Variants in SMPDL3A observed in about 807,000 individuals in gnomAD.
The protein encoded by SMPDL3A is sphingomyelin phosphodiesterase acid like 3A, also known as cyclic GMP-AMP phosphodiesterase SMPDL3A.
A neutral mutation model predicts 38.5 loss-of-function variants in SMPDL3A; 39 were observed. That is an observed-to-expected ratio of 1.01 (90% CI 0.78 to 1.32). SMPDL3A has a LOEUF of 1.32. Among genes scored for constraint, SMPDL3A ranks in the 40% most tolerant of loss-of-function variants. SMPDL3A has a pLI of 0.00. For synonymous variants in SMPDL3A, 180 were observed against 194.3 expected, an observed-to-expected ratio of 0.93 and a Z score of 0.61; for missense variants, 502 against 536.2, an observed-to-expected ratio of 0.94 and a Z score of 0.63.
intron 7 of SMPDL3A, 125 bp downstream of exon 7, chr6:122,806,482 CCTT>C (rs1352802120): frequency 1.5e-5 from 15 of 979,712 alleles, no homozygotes; most frequent in East Asian, 7.4e-5. Flanking sequence ...CTCCTGGCAT[CCTT>C]CTTCTTTTTT....
At chr6:122,792,962 A>G (rs917850406) in intron 1 of SMPDL3A, among the ~76,000 whole-genome samples, 5 of 152,330 alleles carry the variant, frequency 3.3e-5, no homozygotes, top group South Asian at 4.1e-4. Flanking sequence ...GATAAGGGCA[A>G]TGTGGACTCT....
rs183385142 is a variant in SMPDL3A, at chr6:122,804,859, T to C, written c.739-50T>C. 245 of 1,499,592 alleles carry C rather than the reference T, an allele frequency of 1.6e-4. No homozygotes were observed. The African/African-American group carries it at 2.9e-3, about 18-fold the overall frequency. The allele number at this position is 1,499,592 out of a possible 1,614,324, so 92.9% of individuals were successfully genotyped here. On this transcript the variant is annotated intron_variant, in intron 5 of 7. Coordinates refer to ENST00000368440, the MANE Select transcript of SMPDL3A (RefSeq NM_006714.5). The stretch of plus-strand genomic sequence containing the variant: ...GTATCCAAATGTCATTTAGTTATGA[T>C]GAATGTGCAGAAAGATTCTCATGAG...
At chr6:122,804,797 G>A (rs1781546717) in intron 5 of SMPDL3A, 112 bp from the exon 6 acceptor site, 1 of 835,800 alleles carries the variant, frequency 1.2e-6, no homozygotes, top group South Asian at 1.7e-5. Context: ...TGATATATTT[G>A]CTTTCTAAAT....
At chr6:122,808,008 G>A (rs1582561860) in intron 7 of SMPDL3A, among the ~76,000 whole-genome samples, 1 of 152,170 alleles carries the variant, frequency 6.6e-6, no homozygotes. Context: ...ATATTTACGT[G>A]TGTACATATG....
At position 122,808,650 on chromosome 6, in the gene SMPDL3A, CCTCCCCCCTCCCTCCCT is replaced by C. The variant is rs1248921854; in HGVS notation, c.1045-436_1045-420del. On this transcript the variant is annotated intron_variant, in intron 7 of 7. Coordinates refer to ENST00000368440, the MANE Select transcript of SMPDL3A (RefSeq NM_006714.5). ...TCCTTCCTTCCTTCCTTCCCCCCCT[CCTCCCCCCTCCCTCCCT>C]CTCCTTCTTTCTTATTTATTTATTG... is the stretch of plus-strand genomic sequence containing the variant. 7.2e-5 allele frequency among the ~76,000 whole-genome samples: 4 copies of C among 55,900 alleles called. No homozygotes were observed. In the East Asian group the frequency reaches 5.2e-3, roughly 73 times the overall value. The allele number at this position is 55,900 out of a possible 152,430, so 36.7% of individuals were successfully genotyped here. A position where few individuals can be genotyped will look rare whatever the true frequency, so the allele number is the denominator to read the frequency against.
Position 122,789,317 on chromosome 6 carries a change from C to G in SMPDL3A, c.-30C>G. 6.7e-7 allele frequency: 1 copy of G among 1,493,426 alleles called. No individual in the cohort carries two copies. The highest frequency in any genetic ancestry group is 9.0e-7 in the Non-Finnish European group (1 of 1,107,394). The allele number at this position is 1,493,426 out of a possible 1,614,324, so 92.5% of individuals were successfully genotyped here. On this transcript the variant is annotated 5_prime_UTR_variant, in exon 1 of 8. Transcript: ENST00000368440. ...GTCCGAGTGGAGCTGCGGGACAGCC[C>G]GAACCTCCAGGTCAGCCCCGCGGCC...
chr6:122,802,920 T>C (rs752736337), intron 4 of SMPDL3A, among the ~76,000 whole-genome samples: 3 of 152,058 alleles, frequency 2.0e-5, no homozygotes, highest in Non-Finnish European at 2.9e-5. Context: ...TTCTCAAAAA[T>C]AACTTCTGAC....
intron 2 of SMPDL3A, 24 bp downstream of exon 2, chr6:122,795,914 T>A (rs1781235142): frequency 1.3e-6 from 2 of 1,488,472 alleles, no homozygotes; most frequent in Non-Finnish European, 1.9e-6. Flanking sequence ...CAAGTACCAT[T>A]AATTACTCAA....
At position 122,796,982 on chromosome 6, in the gene SMPDL3A, A is replaced by G. The variant is rs1781270905; in HGVS notation, c.471+14A>G. The stretch of plus-strand genomic sequence containing the variant: ...TATTGGCCACAGGTAAATTTGATAG[A>G]CTTTCAGAAATGCTTAAAGAATTTT... On this transcript the variant is annotated intron_variant, in intron 3 of 7. Transcript: ENST00000368440. 1 of 1,605,726 alleles carries G rather than the reference A, an allele frequency of 6.2e-7. No individual in the cohort carries two copies. Among genetic ancestry groups the G allele is most frequent in the African/African-American group, 1.3e-5 (1 of 74,380 alleles).
At chr6:122,792,980 G>C (rs1248168386) in intron 1 of SMPDL3A, among the ~76,000 whole-genome samples, 1 of 152,220 alleles carries the variant, frequency 6.6e-6, no homozygotes, top group East Asian at 1.9e-4. Flanking sequence ...TCTGGAGTCA[G>C]ATTTCCTGAA....
rs143059971 is a variant in SMPDL3A, at chr6:122,801,445, T to A, written c.568+39T>A. On this transcript the variant is annotated intron_variant, in intron 4 of 7. Coordinates refer to ENST00000368440, the MANE Select transcript of SMPDL3A (RefSeq NM_006714.5). ...TTAGTTATTCCTATTTTGCCTCAAT[T>A]TTTATTCATGTTATTTAGACTTAAA... The A allele has an allele frequency of 8.7e-6, 12 of 1,379,876 alleles. No homozygotes were observed. The East Asian group carries it at 2.7e-4, about 31-fold the overall frequency. The allele number at this position is 1,379,876 out of a possible 1,614,324, so 85.5% of individuals were successfully genotyped here.
In SMPDL3A at chr6:122,803,808, A is replaced by T. The variant is rs1562353759; in HGVS notation, c.713A>T (p.Asn238Ile). Reference protein sequence around the residue: ...NQFEWLESTLNNSQQNKEKVY... With the variant: ...NQFEWLESTLINSQQNKEKVY... The stretch of plus-strand genomic sequence containing the variant: ...TTTGAATGGCTAGAAAGTACATTGA[A>T]CAACTCTCAGCAGAATAAGGAGAAG... Residue 238 changes from asparagine (N) to isoleucine (I), a missense_variant, in exon 5 of 8, where the codon AAC becomes ATC. Coordinates refer to ENST00000368440, the MANE Select transcript of SMPDL3A (RefSeq NM_006714.5). The T allele has an allele frequency of 6.2e-7, 1 of 1,614,034 alleles. No individual in the cohort carries two copies. The highest frequency in any genetic ancestry group is 1.7e-5 in the Admixed American group (1 of 60,014).
Position 122,809,145 on chromosome 6 carries a change from A to T in SMPDL3A, c.1099A>T (p.Ile367Phe). 1 of 1,614,222 alleles carries T rather than the reference A, an allele frequency of 6.2e-7. No individual in the cohort carries two copies. The highest frequency in any genetic ancestry group is 8.5e-7 in the Non-Finnish European group (1 of 1,180,028). ...AGAGGCGAATCTAAAGGGAGAGTCCATCTGGAAGCTGGAGTATATCCTGAC... is the reference window on the plus strand; with the variant it reads ...AGAGGCGAATCTAAAGGGAGAGTCCTTCTGGAAGCTGGAGTATATCCTGAC... ...LTEANLKGES[I>F]WKLEYILTQT... Residue 367 changes from isoleucine to phenylalanine, a missense_variant, in exon 8 of 8, where the codon ATC (isoleucine) becomes TTC (phenylalanine). By Grantham distance (21) the Ile-to-Phe change is conservative. Transcript: ENST00000368440.
chr6:122,797,293 C>A, intron 3 of SMPDL3A: 1 of 223,198 alleles, frequency 4.5e-6, no homozygotes. Context: ...ATTTGCATGT[C>A]CATGACAAGG....
Position 122,789,444 on chromosome 6 carries a change from C to A in SMPDL3A, c.98C>A (p.Pro33His). ...GTGGCGCCCGCAGGCGGCAGGAATC[C>A]TCCTCCGGCGATAGGTGAGTTGTCC... ...LPVAPAGGRN[P>H]PPAIGQFWHV... Residue 33 changes from proline to histidine, a missense_variant, in exon 1 of 8, where the codon CCT becomes CAT. Physicochemically the swap from Pro to His is moderately conservative, Grantham distance 77. Transcript: ENST00000368440. 6.5e-7 allele frequency: 1 copy of A among 1,549,224 alleles called. No individual in the cohort carries two copies. The highest frequency in any genetic ancestry group is 1.7e-4 in the Middle Eastern group (1 of 5,980).
At chr6:122,805,583 T>G (rs909089187) in intron 6 of SMPDL3A, among the ~76,000 whole-genome samples, 1 of 152,218 alleles carries the variant, frequency 6.6e-6, no homozygotes, top group African/African-American at 2.4e-5. Context: ...AAACCTCCTA[T>G]GTACTCAACA....
chr6:122,790,248 T>A (rs541001186), intron 1 of SMPDL3A, among the ~76,000 whole-genome samples: 1 of 152,274 alleles, frequency 6.6e-6, no homozygotes, highest in East Asian at 1.9e-4. Context: ...AACGCCGGCG[T>A]TGGGCTTCCA....
In SMPDL3A at chr6:122,800,759, T is replaced by C. The variant is rs1002056050; in HGVS notation, c.472-551T>C. On this transcript the variant is annotated intron_variant, in intron 3 of 7. Coordinates refer to ENST00000368440, the MANE Select transcript of SMPDL3A (RefSeq NM_006714.5). ...TTTTGTTTGTTTGTTTGTTTGTTTT[T>C]TTGTTTTTTGAGCCAGAGCCTCACT... Among the ~76,000 whole-genome samples, 5 of 152,328 alleles carry C rather than the reference T, an allele frequency of 3.3e-5. No homozygotes were observed. In the Middle Eastern group the frequency reaches 0.017, roughly 518 times the overall value.
In SMPDL3A at chr6:122,806,347, A is replaced by G. The variant is rs772765325; in HGVS notation, c.1034A>G (p.Tyr345Cys). ...CTGTTTCAGTATGATCCTCGTGATT[A>G]TAAATTATTGGTAAGTTGGCAGATT... ...IRLFQYDPRD[Y>C]KLLDMLQYYL... The change falls in exon 7 of 8, where the codon TAT (tyrosine) becomes TGT (cysteine). Residue 345 changes from tyrosine to cysteine, a missense_variant. Transcript: ENST00000368440. The G allele has an allele frequency of 1.2e-6, 2 of 1,606,282 alleles. No homozygotes were observed. Among genetic ancestry groups the G allele is most frequent in the Non-Finnish European group, 1.7e-6 (2 of 1,175,532 alleles).
Sources: gnomAD v4.1 joint callset for allele counts (sites outside exome capture counted in the v4.1 genomes callset) on GRCh38, gnomAD v4.1.1 for gene constraint, MANE v1.5 for transcripts, NCBI Gene and HGNC (gene_info 2026-07-23, HGNC 2026-07-21) for gene names.